Variants in RGS3 observed in about 807,000 individuals in gnomAD.
RGS3 encodes the protein regulator of G-protein signalling 3.
RGS3 carries 80 observed loss-of-function variants against 132.6 expected under a neutral mutation model. That is an observed-to-expected ratio of 0.60 (90% CI 0.50 to 0.73). The LOEUF (loss-of-function observed/expected upper bound fraction) is 0.73, where lower values mean the gene tolerates loss of function less well. Among genes scored for constraint, RGS3 ranks in the 30% least tolerant of loss-of-function variants. The pLI is 0.00. For missense variants in RGS3, 1,382 were observed against 1,530.8 expected, an observed-to-expected ratio of 0.90 and a Z score of 1.62; for synonymous variants, 598 against 620.6, an observed-to-expected ratio of 0.96 and a Z score of 0.54.
chr9:113,531,168 T>C lies in RGS3; in HGVS notation c.1914+1904T>C, dbSNP rs1294242252. Among the ~76,000 whole-genome samples the C allele has an allele frequency of 3.9e-5, 6 of 152,324 alleles. No individual in the cohort carries two copies. The South Asian group carries it at 1.0e-3, about 26-fold the overall frequency. ...TCCTGGGCTCTGGGTCTCTATTGCC[T>C]GGACAGGTGTGTTTCTCAGTTCCTG... On this transcript the variant is annotated intron_variant, in intron 18 of 24. Coordinates refer to ENST00000350696, the Ensembl canonical transcript of RGS3.
intron 18 of RGS3, among the ~76,000 whole-genome samples, chr9:113,534,380 G>C (rs999078481): frequency 3.3e-5 from 5 of 152,094 alleles, no homozygotes; most frequent in African/African-American, 1.2e-4. Context: ...ATCCACCAAG[G>C]ATTTGTTCCA....
rs1386794402 is a variant in RGS3, at chr9:113,463,980, T to C, written c.415+1779T>C. On this transcript the variant is annotated intron_variant, in intron 3 of 24. Coordinates refer to ENST00000350696, the Ensembl canonical transcript of RGS3. The surrounding 1 kb of genome is among the most constrained non-coding windows in gnomAD (Gnocchi z 4.6). ...GGTGACAGGGGAGGCTGGGAGCAGG[T>C]GCTCTTTCTATCTAGGGGCACCTTC... 1 of 1,317,526 alleles carries C rather than the reference T, an allele frequency of 7.6e-7. No homozygotes were observed. The highest frequency in any genetic ancestry group is 1.1e-6 in the Non-Finnish European group (1 of 945,580). The allele number at this position is 1,317,526 out of a possible 1,614,324, so 81.6% of individuals were successfully genotyped here.
rs764085055 is a variant in RGS3, at chr9:113,463,820, C to G, written c.415+1619C>G. On this transcript the variant is annotated intron_variant, in intron 3 of 24. Transcript: ENST00000350696. This position sits in a 1 kb window ranked among gnomAD's most constrained non-coding sequence, Gnocchi z 4.6. ...GGGACGCCATGGAGCGCTCCCTGCA[C>G]CGCGTCTCCCTCGGGAGCCGGCGTG... The G allele has an allele frequency of 4.3e-6, 7 of 1,612,604 alleles. No homozygotes were observed. The highest frequency in any genetic ancestry group is 5.9e-6 in the Non-Finnish European group (7 of 1,179,720).
At chr9:113,482,091 A>C (rs1346048122) in intron 4 of RGS3, among the ~76,000 whole-genome samples, 1 of 151,962 alleles carries the variant, frequency 6.6e-6, no homozygotes, top group Non-Finnish European at 1.5e-5. Context: ...CAAACAAAAA[A>C]ATCCAGACGT....
chr9:113,455,685 G>A (rs1030087591), upstream of RGS3, among the ~76,000 whole-genome samples: 15 of 152,174 alleles, frequency 9.9e-5, no homozygotes, highest in Admixed American at 5.2e-4. Context: ...GCACATTAAA[G>A]TTCCTCAGTG....
At chr9:113,484,106 C>A in intron 5 of RGS3, 32 bp from the exon 4 acceptor site, 1 of 1,360,542 alleles carries the variant, frequency 7.4e-7, no homozygotes, top group Non-Finnish European at 1.1e-6. Flanking sequence ...CCATGAGATC[C>A]GCTAATCATG....
intron 19 of RGS3, among the ~76,000 whole-genome samples, chr9:113,560,683 G>C (rs1833748158): frequency 6.6e-6 from 1 of 152,210 alleles, no homozygotes; most frequent in East Asian, 1.9e-4. Flanking sequence ...TTTTTGCATA[G>C]AGTCTCTAGA....
chr9:113,511,197 C>T (rs773825671), intron 14 of RGS3, among the ~76,000 whole-genome samples: 1 of 152,182 alleles, frequency 6.6e-6, no homozygotes, highest in African/African-American at 2.4e-5. Context: ...GCCTCAGATT[C>T]GCCACTGCCA....
rs1031170881 is a variant in RGS3, at chr9:113,545,886, C to T, written c.2037+8968C>T. ...GCTGAGTCTCAGAGAAGTTAAGAAA[C>T]GTGCCCAAGGTCACACAGCTAGTGG... On this transcript the variant is annotated intron_variant, in intron 19 of 24. Coordinates refer to ENST00000350696, the Ensembl canonical transcript of RGS3. Among the ~76,000 whole-genome samples the T allele has an allele frequency of 1.8e-4, 28 of 152,202 alleles. 2 individuals are homozygous for T. The highest frequency in any genetic ancestry group is 1.3e-3 in the Admixed American group (20 of 15,266).
At position 113,585,511 on chromosome 9, in the gene RGS3, C is replaced by T. The variant is rs139753260; in HGVS notation, c.3015+1084C>T. Among the ~76,000 whole-genome samples, 240 of 152,328 alleles carry T rather than the reference C, an allele frequency of 1.6e-3. 2 individuals are homozygous for T. The highest frequency in any genetic ancestry group is 2.5e-3 in the Non-Finnish European group (170 of 68,032). On this transcript the variant is annotated intron_variant, in intron 20 of 24. Transcript: ENST00000350696. ...GTAGGGGTGCTCAGTGCCCATGGAGCACAACTGACTCAGAGATCTAGAACT... is the reference window on the plus strand; with the variant it reads ...GTAGGGGTGCTCAGTGCCCATGGAGTACAACTGACTCAGAGATCTAGAACT...
intron 19 of RGS3, among the ~76,000 whole-genome samples, chr9:113,580,319 T>C (rs1834728358): frequency 6.6e-6 from 1 of 152,232 alleles, no homozygotes; most frequent in South Asian, 2.1e-4. Context: ...GGGCAGGAGA[T>C]ATGAGTTCTA....
intron 22 of RGS3, 152 bp from the exon 21 acceptor site, chr9:113,594,767 G>A (rs758823586): frequency 2.3e-5 from 17 of 750,518 alleles, no homozygotes; most frequent in South Asian, 8.7e-5. Context: ...CCCTGGCCCC[G>A]GGAAAGAGGG....
At chr9:113,545,085 G>A (rs1833055384) in intron 19 of RGS3, among the ~76,000 whole-genome samples, 1 of 152,210 alleles carries the variant, frequency 6.6e-6, no homozygotes, top group Non-Finnish European at 1.5e-5. Flanking sequence ...ATCAGTTTGA[G>A]CTCCTTAAGA....
intron 19 of RGS3, among the ~76,000 whole-genome samples, chr9:113,551,772 T>C (rs1486308029): frequency 1.3e-5 from 2 of 152,132 alleles, no homozygotes; most frequent in African/African-American, 4.8e-5. Context: ...GGCAGGAGAA[T>C]TGCTTGAACC....
rs1588258205 is a variant in RGS3 at position 113,565,161 on chromosome 9, T to C, written c.2038-18289T>C. On this transcript the variant is annotated intron_variant, in intron 19 of 24. Coordinates refer to ENST00000350696, the Ensembl canonical transcript of RGS3. The surrounding 1 kb of genome is among the most constrained non-coding windows in gnomAD (Gnocchi z 5.7). ...TGAGCCACAGGGGACCCACAGCCTA[T>C]GCGTGTGAGCATGTAACCCGGGAGC... 2.5e-6 allele frequency: 3 copies of C among 1,220,124 alleles called. No individual in the cohort carries two copies. The highest frequency in any genetic ancestry group is 1.1e-4 in the East Asian group (2 of 17,476). 75.6% of individuals were successfully genotyped at this position (1,220,124 alleles called of 1,614,324 possible).
exon 25 of RGS3, chr9:113,596,940 G>C: frequency 6.2e-7 from 1 of 1,607,136 alleles, no homozygotes. Context: ...AAGAAGATGA[G>C]TCCCCCGCTT....
intron 1 of RGS3, among the ~76,000 whole-genome samples, chr9:113,451,312 T>C (rs1163032440): frequency 6.6e-6 from 1 of 152,206 alleles, no homozygotes; most frequent in African/African-American, 2.4e-5. Flanking sequence ...TCCTCTAGTT[T>C]CCAATCAGAT....
rs1462100723 is a variant in RGS3, at chr9:113,591,727, T to TC, written c.3080+333dup. On this transcript the variant is annotated intron_variant, in intron 21 of 24. Coordinates refer to ENST00000350696, the Ensembl canonical transcript of RGS3. This position sits in a 1 kb window ranked among gnomAD's most constrained non-coding sequence, Gnocchi z 4.4. Reference sequence around the variant, plus strand: ...CAAGTGACTTCAACAACTCCTTTGCTCCCTCTGGGCCCAAGAGTGACCTGA... The same window carrying TC: ...CAAGTGACTTCAACAACTCCTTTGCTCCCCTCTGGGCCCAAGAGTGACCTGA... The TC allele has an allele frequency of 3.3e-6, 1 of 300,050 alleles. No homozygotes were observed. The highest frequency in any genetic ancestry group is 6.6e-6 in the Non-Finnish European group (1 of 150,764). 18.6% of individuals were successfully genotyped at this position (300,050 alleles called of 1,614,324 possible).
At chr9:113,593,566 C>G (rs1448564568) in intron 21 of RGS3, 1 of 240,600 alleles carries the variant, frequency 4.2e-6, no homozygotes, top group Admixed American at 5.2e-5. Context: ...CTTAAAACTA[C>G]TAAGATGTTG....
Sources: gnomAD v4.1 joint callset for allele counts (sites outside exome capture counted in the v4.1 genomes callset) on GRCh38, gnomAD v4.1.1 for gene constraint, Gnocchi (gnomAD v3.1) non-coding constraint, MANE v1.5 for transcripts, NCBI Gene and HGNC (gene_info 2026-07-23, HGNC 2026-07-21) for gene names.